SHISA9: variants seen among roughly 807,000 people sequenced by gnomAD.
SHISA9 encodes protein shisa-9.
In SHISA9, 13 loss-of-function variants were observed where a neutral mutation model predicts 38.0. The ratio of observed to expected loss-of-function variants is 0.34; its 90% CI spans 0.22 to 0.54. The LOEUF is 0.54. Among genes scored for constraint, SHISA9 ranks in the 20% least tolerant of loss-of-function variants. The pLI, the probability that SHISA9 is intolerant of heterozygous loss-of-function variation, is 0.91. For missense variants in SHISA9, 538 were observed against 575.8 expected, an observed-to-expected ratio of 0.93 and a Z score of 0.67; for synonymous variants, 275 against 242.0, an observed-to-expected ratio of 1.14 and a Z score of -1.27.
intron 2 of SHISA9, among the ~76,000 whole-genome samples, chr16:13,140,562 T>A (rs2050393523): frequency 1.3e-5 from 2 of 152,180 alleles, no homozygotes; most frequent in African/African-American, 2.4e-5. Context: ...TTATAGCAAG[T>A]TCTGCATTTA....
the SHISA9 span, among the ~76,000 whole-genome samples, chr16:13,295,736 C>T: frequency 6.6e-6 from 1 of 152,096 alleles, no homozygotes; most frequent in Non-Finnish European, 1.5e-5. Flanking sequence ...AAAGAGATCC[C>T]TAAGGAGGCA....
chr16:13,029,729 T>C (rs1193388267), intron 2 of SHISA9, among the ~76,000 whole-genome samples: 5 of 152,236 alleles, frequency 3.3e-5, no homozygotes, highest in Admixed American at 1.3e-4. Flanking sequence ...TCTCACTTAA[T>C]TGTGGGATCT....
intron 2 of SHISA9, among the ~76,000 whole-genome samples, chr16:13,192,808 G>C (rs1384083425): frequency 6.6e-6 from 1 of 152,074 alleles, no homozygotes; most frequent in African/African-American, 2.4e-5. Context: ...CCCAGAGGTG[G>C]AGGTTGCAGT....
At chr16:13,145,877 C>G (rs2050442941) in intron 2 of SHISA9, among the ~76,000 whole-genome samples, 1 of 152,088 alleles carries the variant, frequency 6.6e-6, no homozygotes, top group Non-Finnish European at 1.5e-5. Flanking sequence ...AACTGACATT[C>G]CAATACCTGA....
At chr16:13,360,027 T>A in the SHISA9 span, among the ~76,000 whole-genome samples, 1 of 152,194 alleles carries the variant, frequency 6.6e-6, no homozygotes, top group Non-Finnish European at 1.5e-5. Flanking sequence ...GTTCTGTACC[T>A]TGGGGAACTT....
the SHISA9 span, among the ~76,000 whole-genome samples, chr16:13,271,929 A>G: frequency 1.3e-5 from 2 of 152,108 alleles, no homozygotes; most frequent in East Asian, 1.9e-4. Flanking sequence ...AAATACAAAA[A>G]TTAGCCGGGC....
chr16:13,379,736 T>C, the SHISA9 span, among the ~76,000 whole-genome samples: 7 of 152,286 alleles, frequency 4.6e-5, no homozygotes, highest in East Asian at 1.4e-3. Context: ...TCCTTTCCTC[T>C]TCTTCTGTTA....
chr16:13,077,457 C>T (rs2141931033), intron 2 of SHISA9, among the ~76,000 whole-genome samples: 1 of 152,184 alleles, frequency 6.6e-6, no homozygotes, highest in African/African-American at 2.4e-5. Context: ...CTCCTTGTAC[C>T]AGGTGATGCT....
chr16:13,196,241 C>CA (rs1162655997), intron 2 of SHISA9, among the ~76,000 whole-genome samples: 14 of 146,054 alleles, frequency 9.6e-5, no homozygotes, highest in Admixed American at 9.0e-4. Flanking sequence ...ACTAAAAATA[C>CA]AAAAAATTAG....
chr16:12,916,866 G>A, intron 2 of SHISA9, 51 bp downstream of exon 2: 1 of 1,529,512 alleles, frequency 6.5e-7, no homozygotes, highest in Non-Finnish European at 8.8e-7. Context: ...GACCTGAGCA[G>A]TGGTCACATT....
rs1179690079 is a variant in SHISA9 at position 13,032,804 on chromosome 16, C to T, written c.691+115989C>T. 5.9e-5 allele frequency among the ~76,000 whole-genome samples: 9 copies of T among 152,290 alleles called. No homozygotes were observed. The East Asian group carries it at 1.7e-3, about 29-fold the overall frequency. ...CATAGCTGGAAGTCGATAGAGATCT[C>T]TCACAGACAGGAGTGCAACTGAATT... On this transcript the variant is annotated intron_variant, in intron 2 of 4. Coordinates refer to ENST00000558583, the MANE Select transcript of SHISA9 (RefSeq NM_001145204.3).
At chr16:13,452,410 A>G in the SHISA9 span, among the ~76,000 whole-genome samples, 150 of 152,306 alleles carry the variant, frequency 9.8e-4, no homozygotes, top group Non-Finnish European at 1.8e-3. Flanking sequence ...GCCACGGTCC[A>G]TATACCTTAT....
chr16:12,995,407 C>T (rs1486208689), intron 2 of SHISA9, among the ~76,000 whole-genome samples: 3 of 152,124 alleles, frequency 2.0e-5, no homozygotes, highest in Non-Finnish European at 4.4e-5. Flanking sequence ...GCCTTGGCCA[C>T]ACTCATGGAG....
At position 13,175,512 on chromosome 16, in the gene SHISA9, C is replaced by T. The variant is rs538728172; in HGVS notation, c.692-27882C>T. Among the ~76,000 whole-genome samples the T allele has an allele frequency of 3.4e-4, 52 of 152,274 alleles. No homozygotes were observed. The South Asian group carries it at 5.8e-3, about 17-fold the overall frequency. Reference sequence around the variant, plus strand: ...GAAGTTGTGTGATTTGAGTGAGACACGCCCAGGTGAGGGTTCTGAGATGGG... The same window carrying T: ...GAAGTTGTGTGATTTGAGTGAGACATGCCCAGGTGAGGGTTCTGAGATGGG... On this transcript the variant is annotated intron_variant, in intron 2 of 4. Transcript: ENST00000558583.
At chr16:13,106,537 C>T (rs2073926798) in intron 2 of SHISA9, among the ~76,000 whole-genome samples, 1 of 152,026 alleles carries the variant, frequency 6.6e-6, no homozygotes, top group Non-Finnish European at 1.5e-5. Context: ...TTTTTGTTTT[C>T]TTTTGGGACA....
At chr16:13,308,339 T>C in the SHISA9 span, among the ~76,000 whole-genome samples, 8 of 152,100 alleles carry the variant, frequency 5.3e-5, no homozygotes, top group Non-Finnish European at 1.0e-4. Flanking sequence ...AATGGCATTG[T>C]TAGTTGAAGT....
At chr16:13,050,167 T>C (rs1325399077) in intron 2 of SHISA9, among the ~76,000 whole-genome samples, 5 of 152,186 alleles carry the variant, frequency 3.3e-5, no homozygotes, top group African/African-American at 7.2e-5. Flanking sequence ...ATCAATAATA[T>C]GGTCTTATTT....
In SHISA9 at chr16:13,001,429, C is replaced by G. The variant is rs1281861013; in HGVS notation, c.691+84614C>G. Reference sequence around the variant, plus strand: ...GTTTCTTCTCCTCTCCTGAGACCCCCTGGGATAGAAACATTTACCTAGACC... The same window carrying G: ...GTTTCTTCTCCTCTCCTGAGACCCCGTGGGATAGAAACATTTACCTAGACC... On this transcript the variant is annotated intron_variant, in intron 2 of 4. Transcript: ENST00000558583. Among the ~76,000 whole-genome samples the G allele has an allele frequency of 4.6e-5, 7 of 152,178 alleles. No individual in the cohort carries two copies. In the East Asian group the frequency reaches 1.3e-3, roughly 29 times the overall value.
chr16:13,503,867 T>C, the SHISA9 span, among the ~76,000 whole-genome samples: 1 of 152,144 alleles, frequency 6.6e-6, no homozygotes, highest in African/African-American at 2.4e-5. Flanking sequence ...GAATAAGGGA[T>C]GTAGCTTTAC....
Sources: gnomAD v4.1 joint callset for allele counts (sites outside exome capture counted in the v4.1 genomes callset) on GRCh38, gnomAD v4.1.1 for gene constraint, MANE v1.5 for transcripts, NCBI Gene and HGNC (gene_info 2026-07-23, HGNC 2026-07-21) for gene names.